PDE1A: variants seen among roughly 807,000 people sequenced by gnomAD.
The protein encoded by PDE1A is dual specificity calcium/calmodulin-dependent 3',5'-cyclic nucleotide phosphodiesterase 1A.
In PDE1A, 35 loss-of-function variants were observed where a neutral mutation model predicts 61.7. That is an observed-to-expected ratio of 0.57 (90% CI 0.43 to 0.75). The LOEUF (loss-of-function observed/expected upper bound fraction) is 0.75, where lower values mean the gene tolerates loss of function less well. Among genes scored for constraint, PDE1A ranks in the 30% least tolerant of loss-of-function variants. PDE1A has a pLI of 0.00. For synonymous variants in PDE1A, 232 were observed against 213.2 expected (o/e 1.09, Z -0.77); for missense variants, 597 against 630.6 (o/e 0.95, Z 0.57).
chr2:182,550,759 A>G, the PDE1A span, among the ~76,000 whole-genome samples: 1 of 152,030 alleles, frequency 6.6e-6, no homozygotes, highest in Non-Finnish European at 1.5e-5. Flanking sequence ...TCAGGAGTTG[A>G]CTCTGGAATC....
intron 7 of PDE1A, among the ~76,000 whole-genome samples, chr2:182,208,988 G>A (rs778496600): frequency 6.6e-6 from 1 of 152,148 alleles, no homozygotes; most frequent in Non-Finnish European, 1.5e-5. Flanking sequence ...AGTTAATGCT[G>A]GAGTGAGTTA....
At chr2:182,624,869 T>C in the PDE1A span, among the ~76,000 whole-genome samples, 2 of 152,286 alleles carry the variant, frequency 1.3e-5, no homozygotes, top group African/African-American at 4.8e-5. Context: ...CAAACCTAGC[T>C]AACCCCAAAC....
the PDE1A span, among the ~76,000 whole-genome samples, chr2:182,640,292 G>A: frequency 6.6e-6 from 1 of 152,120 alleles, no homozygotes; most frequent in Non-Finnish European, 1.5e-5. Flanking sequence ...CCATAAATGA[G>A]GACTGAAATA....
At chr2:182,578,082 C>T in the PDE1A span, among the ~76,000 whole-genome samples, 4 of 152,212 alleles carry the variant, frequency 2.6e-5, no homozygotes, top group South Asian at 4.1e-4. Context: ...AGAAAGAAGG[C>T]TTTTCTTTTT....
At chr2:182,512,378 A>G (rs1689857829) in intron 2 of PDE1A, among the ~76,000 whole-genome samples, 1 of 152,176 alleles carries the variant, frequency 6.6e-6, no homozygotes, top group African/African-American at 2.4e-5. Context: ...AAACAAAGCC[A>G]GTCAACTCAA....
chr2:182,544,968 T>G, the PDE1A span, among the ~76,000 whole-genome samples: 2 of 152,144 alleles, frequency 1.3e-5, no homozygotes, highest in Non-Finnish European at 2.9e-5. Context: ...ATTTACTATT[T>G]GTGTAATTAT....
chr2:182,230,198 A>G (rs1305584314), intron 5 of PDE1A, 52 bp from the exon 6 acceptor site: 10 of 1,439,818 alleles, frequency 6.9e-6, no homozygotes, highest in Non-Finnish European at 9.6e-6. Flanking sequence ...GTGGTACTAA[A>G]TCAACCTGAG....
intron 1 of PDE1A, among the ~76,000 whole-genome samples, chr2:182,363,670 G>A (rs1043147875): frequency 6.6e-6 from 1 of 152,008 alleles, no homozygotes; most frequent in Admixed American, 6.6e-5. Context: ...AGAGTAAAAA[G>A]AAAAAAGGCT....
chr2:182,622,256 T>C, the PDE1A span, among the ~76,000 whole-genome samples: 1 of 152,190 alleles, frequency 6.6e-6, no homozygotes, highest in South Asian at 2.1e-4. Flanking sequence ...CGTGACAAGA[T>C]TGTTTTTAAT....
chr2:182,628,496 T>C, the PDE1A span, among the ~76,000 whole-genome samples: 1 of 152,090 alleles, frequency 6.6e-6, no homozygotes, highest in Non-Finnish European at 1.5e-5. Flanking sequence ...GGATGAAATA[T>C]AGAACAAAGA....
the PDE1A span, among the ~76,000 whole-genome samples, chr2:182,613,710 A>G: frequency 7.3e-3 from 1,110 of 152,322 alleles, 10 homozygotes; most frequent in African/African-American, 0.024. Context: ...TAAATACACT[A>G]TGGTTTCAAA....
At chr2:182,340,304 T>C (rs1372295475) in intron 1 of PDE1A, among the ~76,000 whole-genome samples, 2 of 152,184 alleles carry the variant, frequency 1.3e-5, no homozygotes, top group Non-Finnish European at 2.9e-5. Context: ...AACTTCTGCA[T>C]GGGTAATGCC....
At chr2:182,225,142 T>A (rs2125616045) in intron 6 of PDE1A, among the ~76,000 whole-genome samples, 2 of 151,950 alleles carry the variant, frequency 1.3e-5, no homozygotes, top group South Asian at 4.1e-4. Context: ...AGGCTGATAG[T>A]TAAGTGCAAG....
intron 1 of PDE1A, among the ~76,000 whole-genome samples, chr2:182,408,543 C>A (rs147682247): frequency 0.023 from 3,546 of 152,288 alleles, 66 homozygotes; most frequent in South Asian, 0.047. Context: ...AGACCCTTAA[C>A]TATTTCAGGG....
chr2:182,676,398 G>T, the PDE1A span, among the ~76,000 whole-genome samples: 1 of 151,552 alleles, frequency 6.6e-6, no homozygotes, highest in African/African-American at 2.4e-5. Flanking sequence ...TCAATAATGA[G>T]CTCTGAAATT....
intron 2 of PDE1A, among the ~76,000 whole-genome samples, chr2:182,459,048 A>G (rs75194106): frequency 6.6e-6 from 1 of 151,914 alleles, no homozygotes; most frequent in African/African-American, 2.4e-5. Flanking sequence ...ATCTGTTGCC[A>G]TAACTCATGA....
chr2:182,571,217 C>A, the PDE1A span, among the ~76,000 whole-genome samples: 1 of 151,972 alleles, frequency 6.6e-6, no homozygotes, highest in Admixed American at 6.6e-5. Context: ...TTTTAGTTTG[C>A]AATTCAAACC....
the PDE1A span, among the ~76,000 whole-genome samples, chr2:182,671,773 C>T: frequency 6.9e-6 from 1 of 145,960 alleles, no homozygotes. Context: ...GCACCTGCCA[C>T]CACGCCCGGC....
chr2:182,166,053 C>G (rs1056426830), downstream of PDE1A, among the ~76,000 whole-genome samples: 5 of 152,046 alleles, frequency 3.3e-5, no homozygotes, highest in African/African-American at 1.2e-4. Context: ...GAATTATGAC[C>G]TTTTTATAGT....
Sources: gnomAD v4.1 joint callset for allele counts (sites outside exome capture counted in the v4.1 genomes callset) on GRCh38, gnomAD v4.1.1 for gene constraint, MANE v1.5 for transcripts, NCBI Gene and HGNC (gene_info 2026-07-23, HGNC 2026-07-21) for gene names.